Variants in ZNF804A observed in about 807,000 individuals in gnomAD.
ZNF804A encodes the protein zinc finger protein 804A.
ZNF804A carries 2 observed loss-of-function variants against 16.5 expected under a neutral mutation model. The ratio of observed to expected loss-of-function variants is 0.12; its 90% CI spans 0.05 to 0.38. ZNF804A has a LOEUF of 0.38. ZNF804A is among the 10% of genes least tolerant of loss of function. The probability of loss-of-function intolerance (pLI) is 0.99; values close to 1 mark genes in which losing one functional copy is unlikely to be tolerated. For missense variants in ZNF804A, 1,473 were observed against 1,390.7 expected (o/e 1.06, Z -0.94); for synonymous variants, 534 against 489.6 (o/e 1.09, Z -1.20).
chr2:184,638,886 T>C (rs1309998529), intron 1 of ZNF804A, among the ~76,000 whole-genome samples: 2 of 152,140 alleles, frequency 1.3e-5, no homozygotes, highest in Non-Finnish European at 2.9e-5. Flanking sequence ...AGGCCTCCAT[T>C]CCCGTAAGGT....
intron 2 of ZNF804A, among the ~76,000 whole-genome samples, chr2:184,892,155 CACT>C (rs1447761855): frequency 2.6e-5 from 4 of 152,258 alleles, no homozygotes; most frequent in African/African-American, 9.6e-5. Context: ...AACATTTCCA[CACT>C]AATTTTGCTC....
At chr2:184,822,168 C>T (rs35071909) in intron 1 of ZNF804A, among the ~76,000 whole-genome samples, 21,638 of 152,050 alleles carry the variant, frequency 0.14, 1,670 homozygotes, top group Middle Eastern at 0.24. Flanking sequence ...ATCCCAAATG[C>T]CCATCAATTG....
chr2:184,661,485 C>T (rs999147315), intron 1 of ZNF804A, among the ~76,000 whole-genome samples: 4 of 152,218 alleles, frequency 2.6e-5, no homozygotes, highest in Admixed American at 2.6e-4. Flanking sequence ...AGAAGAAAAG[C>T]TCTCAGCTGT....
Position 184,937,454 on chromosome 2 carries a change from T to C in ZNF804A, c.2058T>C (p.Thr686=), listed in dbSNP as rs1182943531. ...TWNTEYNTYD[T]ISSKNHCKKN... ...ATACTGAATACAACACTTATGATACTATCAGTTCTAAAAACCACTGTAAAA... is the reference window on the plus strand; with the variant it reads ...ATACTGAATACAACACTTATGATACCATCAGTTCTAAAAACCACTGTAAAA... The change falls in exon 4 of 4, where the codon ACT becomes ACC. Residue 686 remains threonine, a synonymous_variant. Coordinates refer to ENST00000302277, the MANE Select transcript of ZNF804A (RefSeq NM_194250.2). 6.2e-7 allele frequency: 1 copy of C among 1,607,766 alleles called. No individual in the cohort carries two copies. The highest frequency in any genetic ancestry group is 1.3e-5 in the African/African-American group (1 of 74,938).
At chr2:184,865,395 A>G (rs963248332) in intron 1 of ZNF804A, among the ~76,000 whole-genome samples, 2 of 152,004 alleles carry the variant, frequency 1.3e-5, no homozygotes, top group Non-Finnish European at 2.9e-5. Flanking sequence ...TGAACACTGC[A>G]TCTGGTGAGG....
chr2:184,737,381 A>G (rs1487327084), intron 1 of ZNF804A, among the ~76,000 whole-genome samples: 6 of 151,976 alleles, frequency 3.9e-5, no homozygotes, highest in Non-Finnish European at 5.9e-5. Context: ...TTTTTAAGCT[A>G]TTTTTAAAAT....
chr2:184,731,506 A>G (rs1481806420), intron 1 of ZNF804A, among the ~76,000 whole-genome samples: 1 of 145,118 alleles, frequency 6.9e-6, no homozygotes, highest in Non-Finnish European at 1.5e-5. Flanking sequence ...ATCTTTTTCT[A>G]TGCTCATTTT....
chr2:184,747,520 CATAA>C (rs1693808917), intron 1 of ZNF804A, among the ~76,000 whole-genome samples: 1 of 150,870 alleles, frequency 6.6e-6, no homozygotes, highest in East Asian at 1.9e-4. Context: ...TTATGTATTT[CATAA>C]ATAATGTTCT....
intron 2 of ZNF804A, among the ~76,000 whole-genome samples, chr2:184,894,715 TTGCTC>T (rs1648151286): frequency 6.6e-6 from 1 of 152,184 alleles, no homozygotes; most frequent in Non-Finnish European, 1.5e-5. Context: ...TGAGACAGTC[TTGCTC>T]TGTCGCCCAG....
intron 1 of ZNF804A, among the ~76,000 whole-genome samples, chr2:184,712,828 A>G (rs1298826542): frequency 6.6e-6 from 1 of 151,690 alleles, no homozygotes; most frequent in East Asian, 1.9e-4. Context: ...CAGTTTAGTT[A>G]TACTCATCAG....
chr2:184,697,860 G>A (rs1365368386), intron 1 of ZNF804A, among the ~76,000 whole-genome samples: 2 of 152,054 alleles, frequency 1.3e-5, no homozygotes, highest in Non-Finnish European at 2.9e-5. Context: ...TATCCTCAGT[G>A]AAGCACAAAT....
At chr2:184,599,738 G>T (rs77644621) in intron 1 of ZNF804A, among the ~76,000 whole-genome samples, 2,732 of 152,294 alleles carry the variant, frequency 0.018, 84 homozygotes, top group African/African-American at 0.062. Flanking sequence ...AACCCATGCA[G>T]TTGCTGGAAG....
At chr2:184,798,183 C>CT (rs1331507214) in intron 1 of ZNF804A, among the ~76,000 whole-genome samples, 2 of 151,902 alleles carry the variant, frequency 1.3e-5, no homozygotes, top group East Asian at 3.9e-4. Context: ...TTTCCTTCAT[C>CT]TTAACTTTAG....
chr2:184,777,254 T>G (rs1198231331), intron 1 of ZNF804A, among the ~76,000 whole-genome samples: 1 of 151,682 alleles, frequency 6.6e-6, no homozygotes, highest in African/African-American at 2.4e-5. Flanking sequence ...ACCATTTTGA[T>G]ATACCATTTT....
At chr2:184,913,956 A>C (rs574724297) in intron 2 of ZNF804A, among the ~76,000 whole-genome samples, 37 of 152,178 alleles carry the variant, frequency 2.4e-4, no homozygotes, top group Middle Eastern at 6.8e-3. Flanking sequence ...CCTCAGGCTT[A>C]TTTGACCCCA....
intron 2 of ZNF804A, among the ~76,000 whole-genome samples, chr2:184,925,560 G>GACTTACTTATCAATACAAGC (rs1685596894): frequency 6.6e-6 from 1 of 151,862 alleles, no homozygotes; most frequent in Non-Finnish European, 1.5e-5. Flanking sequence ...TGATAAGTAA[G>GACTTACTTATCAATACAAGC]AACTTACTGC....
At chr2:184,668,597 C>T (rs1374102496) in intron 1 of ZNF804A, among the ~76,000 whole-genome samples, 1 of 151,862 alleles carries the variant, frequency 6.6e-6, no homozygotes, top group Non-Finnish European at 1.5e-5. Context: ...GGTTCAAAAA[C>T]TCTTGAGATA....
intron 1 of ZNF804A, among the ~76,000 whole-genome samples, chr2:184,702,226 G>C (rs1473092276): frequency 6.6e-6 from 1 of 151,888 alleles, no homozygotes; most frequent in Non-Finnish European, 1.5e-5. Context: ...CTTTATCTAT[G>C]ATCATTTCCT....
chr2:184,734,284 G>A (rs979401551), intron 1 of ZNF804A, among the ~76,000 whole-genome samples: 1 of 151,798 alleles, frequency 6.6e-6, no homozygotes, highest in Non-Finnish European at 1.5e-5. Context: ...ACATCTTTTT[G>A]TTTTTCAAAT....
Sources: gnomAD v4.1 joint callset for allele counts (sites outside exome capture counted in the v4.1 genomes callset) on GRCh38, gnomAD v4.1.1 for gene constraint, MANE v1.5 for transcripts, NCBI Gene and HGNC (gene_info 2026-07-23, HGNC 2026-07-21) for gene names.